PLCB1: variants seen among roughly 807,000 people sequenced by gnomAD.
PLCB1 encodes the protein 1-phosphatidylinositol 4,5-bisphosphate phosphodiesterase beta-1.
In PLCB1, 46 loss-of-function variants were observed where a neutral mutation model predicts 161.8. That is an observed-to-expected ratio of 0.28 (90% CI 0.22 to 0.36). The LOEUF (loss-of-function observed/expected upper bound fraction) is 0.36. Among genes scored for constraint, PLCB1 ranks in the 10% least tolerant of loss-of-function variants. PLCB1 has a pLI of 1.00. For missense variants in PLCB1, 1,016 were observed against 1,472.5 expected (o/e 0.69, Z 5.07); for synonymous variants, 517 against 503.7 (o/e 1.03, Z -0.35).
intron 23 of PLCB1, among the ~76,000 whole-genome samples, chr20:8,753,146 A>G (rs909883145): frequency 2.6e-5 from 4 of 151,956 alleles, no homozygotes; most frequent in Non-Finnish European, 5.9e-5. Context: ...ATCACCCCCA[A>G]ATGGGACCAT....
intron 31 of PLCB1, among the ~76,000 whole-genome samples, chr20:8,823,454 A>G (rs1435180603): frequency 6.6e-6 from 1 of 152,158 alleles, no homozygotes; most frequent in Non-Finnish European, 1.5e-5. Flanking sequence ...ACCACTTTAA[A>G]TAAGGAACTT....
chr20:8,260,416 G>A (rs1471996800), intron 2 of PLCB1, among the ~76,000 whole-genome samples: 2 of 151,976 alleles, frequency 1.3e-5, no homozygotes, highest in South Asian at 2.1e-4. Flanking sequence ...AAATCACAAA[G>A]TAAGACTGGG....
intron 20 of PLCB1, among the ~76,000 whole-genome samples, chr20:8,737,681 C>G (rs757893336): frequency 6.6e-6 from 1 of 152,186 alleles, no homozygotes; most frequent in Non-Finnish European, 1.5e-5. Flanking sequence ...GGGCCCTTCT[C>G]TTTCTTCACC....
chr20:8,268,318 AG>A (rs1458522656), intron 2 of PLCB1, among the ~76,000 whole-genome samples: 4 of 152,150 alleles, frequency 2.6e-5, no homozygotes, highest in Non-Finnish European at 5.9e-5. Context: ...ATGGCTGCAT[AG>A]TATTCCATGG....
chr20:8,759,173 C>T (rs1295336089), intron 24 of PLCB1, among the ~76,000 whole-genome samples: 1 of 151,998 alleles, frequency 6.6e-6, no homozygotes, highest in African/African-American at 2.4e-5. Context: ...TGGGTTGGTC[C>T]GATGTTTCCC....
chr20:8,141,061 G>C (rs977528307), intron 1 of PLCB1, among the ~76,000 whole-genome samples: 2 of 152,136 alleles, frequency 1.3e-5, no homozygotes, highest in African/African-American at 4.8e-5. Flanking sequence ...CTCCCAAAGT[G>C]CTGGGATTAT....
At position 8,708,685 on chromosome 20, in the gene PLCB1, A is replaced by G. The variant is rs564559831; in HGVS notation, c.1183A>G (p.Ile395Val). 22 of 1,612,244 alleles carry G rather than the reference A, an allele frequency of 1.4e-5. No individual in the cohort carries two copies. Among genetic ancestry groups the G allele is most frequent in the Non-Finnish European group, 1.8e-5 (21 of 1,178,562 alleles). ...TCATTTTTAGGAAGTGATAGAAGCA[A>G]TTGCGGAGTGTGCATTTAAGACTTC... is the stretch of plus-strand genomic sequence containing the variant. ...EISFKEVIEAIAECAFKTSPF... is the reference protein window; with the variant it reads ...EISFKEVIEAVAECAFKTSPF... The change falls in exon 12 of 32, where the codon ATT (isoleucine) becomes GTT (valine). Residue 395 changes from isoleucine to valine, a missense_variant. Around this residue, in one of 10 missense-constraint regions of PLCB1, gnomAD observed 56 missense variants for 126.3 expected, o/e 0.44. Coordinates refer to ENST00000338037, the MANE Select transcript of PLCB1 (RefSeq NM_015192.4).
intron 3 of PLCB1, among the ~76,000 whole-genome samples, chr20:8,547,690 C>T (rs145496164): frequency 6.6e-6 from 1 of 152,326 alleles, no homozygotes; most frequent in East Asian, 1.9e-4. Context: ...TCACTGTTCT[C>T]TCCATCCTTC....
chr20:8,451,534 G>C (rs1443758124), intron 3 of PLCB1, among the ~76,000 whole-genome samples: 2 of 151,986 alleles, frequency 1.3e-5, no homozygotes, highest in African/African-American at 2.4e-5. Flanking sequence ...ATTTTTAGTA[G>C]GTATGGGGTT....
chr20:8,184,915 A>G lies in PLCB1; in HGVS notation c.177+34544A>G, dbSNP rs145707256. On this transcript the variant is annotated intron_variant, in intron 2 of 31. Coordinates refer to ENST00000338037, the MANE Select transcript of PLCB1 (RefSeq NM_015192.4). ...CATCAACCCGTCATCTGCATTAGGTATTTCTCCTAATGCTATCCCTCCCCT... is the reference window on the plus strand; with the variant it reads ...CATCAACCCGTCATCTGCATTAGGTGTTTCTCCTAATGCTATCCCTCCCCT... 1.8e-4 allele frequency among the ~76,000 whole-genome samples: 28 copies of G among 151,608 alleles called. No homozygotes were observed. The East Asian group carries it at 5.3e-3, about 28-fold the overall frequency.
At chr20:8,399,309 T>G (rs1405824131) in intron 3 of PLCB1, among the ~76,000 whole-genome samples, 2 of 152,210 alleles carry the variant, frequency 1.3e-5, no homozygotes, top group Non-Finnish European at 2.9e-5. Context: ...TCTTTTTATT[T>G]GCAATCCAGT....
intron 15 of PLCB1, among the ~76,000 whole-genome samples, chr20:8,724,261 AC>A (rs1172052639): frequency 6.6e-6 from 1 of 152,058 alleles, no homozygotes; most frequent in Non-Finnish European, 1.5e-5. Context: ...ACCTATGGAC[AC>A]CCTGCAATGG....
intron 26 of PLCB1, among the ~76,000 whole-genome samples, chr20:8,773,066 CA>C (rs959580180): frequency 7.7e-4 from 117 of 152,204 alleles, no homozygotes; most frequent in African/African-American, 2.6e-3. Context: ...CATAAAAATG[CA>C]AAAAGAAACT....
At chr20:8,661,050 G>T (rs1989608082) in intron 9 of PLCB1, among the ~76,000 whole-genome samples, 1 of 152,130 alleles carries the variant, frequency 6.6e-6, no homozygotes, top group Admixed American at 6.6e-5. Flanking sequence ...AGAAGAATCT[G>T]GGCCTGTGTA....
At chr20:8,654,006 T>C (rs530689885) in intron 7 of PLCB1, among the ~76,000 whole-genome samples, 49 of 152,222 alleles carry the variant, frequency 3.2e-4, no homozygotes, top group Non-Finnish European at 5.6e-4. Flanking sequence ...TGATATACTG[T>C]AAATGCTAAT....
At chr20:8,398,265 CAT>C (rs1037560848) in intron 3 of PLCB1, among the ~76,000 whole-genome samples, 24 of 152,208 alleles carry the variant, frequency 1.6e-4, no homozygotes, top group African/African-American at 5.5e-4. Context: ...TTTATACACA[CAT>C]ATATGTCTTA....
intron 7 of PLCB1, among the ~76,000 whole-genome samples, chr20:8,653,684 A>C (rs1418082480): frequency 6.6e-6 from 1 of 152,028 alleles, no homozygotes; most frequent in Non-Finnish European, 1.5e-5. Flanking sequence ...TTAAGTACCC[A>C]TTTCTCATAT....
chr20:8,363,306 T>A (rs548270788), intron 2 of PLCB1, among the ~76,000 whole-genome samples: 34 of 152,278 alleles, frequency 2.2e-4, no homozygotes, highest in African/African-American at 7.9e-4. Context: ...AGATGTCTCC[T>A]GGGCTGTGTT....
intron 3 of PLCB1, among the ~76,000 whole-genome samples, chr20:8,387,736 C>T (rs1987468829): frequency 6.6e-6 from 1 of 152,020 alleles, no homozygotes; most frequent in Non-Finnish European, 1.5e-5. Context: ...ATGAGGTGTG[C>T]TTGTAGCTAT....
Sources: gnomAD v4.1 joint callset for allele counts (sites outside exome capture counted in the v4.1 genomes callset) on GRCh38, gnomAD v4.1.1 for gene constraint, gnomAD v4.1.1 regional missense constraint, MANE v1.5 for transcripts, NCBI Gene and HGNC (gene_info 2026-07-23, HGNC 2026-07-21) for gene names.